The following CRAMP1 variants were observed in gnomAD, a reference collection of about 807,000 sequenced individuals.
CRAMP1 encodes the protein cramped chromatin regulator 1.
A neutral mutation model predicts 115.4 loss-of-function variants in CRAMP1; 50 were observed. The ratio of observed to expected loss-of-function variants is 0.43; its 90% CI spans 0.35 to 0.55. The LOEUF (loss-of-function observed/expected upper bound fraction) is 0.55, where lower values mean the gene tolerates loss of function less well. Among genes scored for constraint, CRAMP1 ranks in the 20% least tolerant of loss-of-function variants. The pLI is 0.01. For synonymous variants in CRAMP1, 866 were observed against 745.4 expected (o/e 1.16, Z -2.64); for missense variants, 1,679 against 1,721.7 (o/e 0.98, Z 0.44).
intron 7 of CRAMP1, 29 bp downstream of exon 7, chr16:1,652,610 G>A: frequency 1.3e-6 from 2 of 1,538,424 alleles, no homozygotes; most frequent in Non-Finnish European, 1.8e-6. Flanking sequence ...CCCGGGACCA[G>A]AGGCGGTGCC....
chr16:1,615,318 G>A (rs1324992241), intron 2 of CRAMP1, among the ~76,000 whole-genome samples: 1 of 152,188 alleles, frequency 6.6e-6, no homozygotes, highest in Non-Finnish European at 1.5e-5. Context: ...GTTCGGAAAC[G>A]GGAAGAGAAA....
At chr16:1,652,798 C>T (rs1460754108) in intron 7 of CRAMP1, among the ~76,000 whole-genome samples, 2 of 152,174 alleles carry the variant, frequency 1.3e-5, no homozygotes, top group East Asian at 3.8e-4. Context: ...GCAGAGTGGT[C>T]GGAGGTTGTC....
At chr16:1,620,303 C>G (rs1482322727) in intron 2 of CRAMP1, among the ~76,000 whole-genome samples, 1 of 152,224 alleles carries the variant, frequency 6.6e-6, no homozygotes, top group Non-Finnish European at 1.5e-5. Context: ...CTGTCTTATG[C>G]TGCAGACGTA....
rs1431155509 is a variant in CRAMP1, at chr16:1,667,893, G to C, written c.3103-69G>C. On this transcript the variant is annotated intron_variant, in intron 17 of 20. Transcript: ENST00000397412. ...TGCCTGCAAGCTAGGAGAGTAAGCT[G>C]GTGTTTCTTCCCTTGTCATGGGTTC... is the stretch of plus-strand genomic sequence containing the variant. 5 of 974,622 alleles carry C rather than the reference G, an allele frequency of 5.1e-6. No individual in the cohort carries two copies. The African/African-American group carries it at 8.1e-5, about 16-fold the overall frequency. The allele number at this position is 974,622 out of a possible 1,614,324, so 60.4% of individuals were successfully genotyped here. A position where few individuals can be genotyped will look rare whatever the true frequency, so the allele number is the denominator to read the frequency against.
chr16:1,666,319 C>G lies in CRAMP1; in HGVS notation c.2858-103C>G. On this transcript the variant is annotated intron_variant, in intron 15 of 20. Transcript: ENST00000397412. The surrounding 1 kb of genome is among the most constrained non-coding windows in gnomAD (Gnocchi z 5.0). ...AGAACATCTAAGCCCTTGGCTCTTG[C>G]ATTGACATGAGGTGCGAGGGAGAAG... 8.1e-7 allele frequency: 1 copy of G among 1,240,934 alleles called. No individual in the cohort carries two copies. Among genetic ancestry groups the G allele is most frequent in the Non-Finnish European group, 1.1e-6 (1 of 873,132 alleles). 76.9% of individuals were successfully genotyped at this position (1,240,934 alleles called of 1,614,324 possible). A position where few individuals can be genotyped will look rare whatever the true frequency, so the allele number is the denominator to read the frequency against.
chr16:1,664,279 A>G (rs1240921944), intron 13 of CRAMP1, among the ~76,000 whole-genome samples: 4 of 152,156 alleles, frequency 2.6e-5, no homozygotes, highest in African/African-American at 9.7e-5. Flanking sequence ...ATTCAGCCTA[A>G]TTGTTCACAC....
rs74594000 is a variant in CRAMP1, at chr16:1,644,948, C to A, written c.827+3761C>A. On this transcript the variant is annotated intron_variant, in intron 6 of 20. Transcript: ENST00000397412. ...AACTCCTGGGCTCAAGTGATCCTCC[C>A]GTCTTGGCCTCCCAAAGCACTGATA... 5.9e-5 allele frequency among the ~76,000 whole-genome samples: 9 copies of A among 152,032 alleles called. No individual in the cohort carries two copies. In the East Asian group the frequency reaches 1.4e-3, roughly 23 times the overall value.
At chr16:1,636,695 G>T (rs567636140) in intron 4 of CRAMP1, among the ~76,000 whole-genome samples, 54 of 152,346 alleles carry the variant, frequency 3.5e-4, no homozygotes, top group African/African-American at 1.2e-3. Flanking sequence ...ATTAGGTCTG[G>T]TGTAATACAG....
At chr16:1,616,064 A>G (rs2142165929) in intron 2 of CRAMP1, among the ~76,000 whole-genome samples, 1 of 152,342 alleles carries the variant, frequency 6.6e-6, no homozygotes, top group South Asian at 2.1e-4. Flanking sequence ...GGCCTTACTC[A>G]TTGGTAAAGA....
rs2036863288 is a variant in CRAMP1 at position 1,665,107 on chromosome 16, C to T, written c.2721C>T (p.Ser907=). 23 of 1,613,014 alleles carry T rather than the reference C, an allele frequency of 1.4e-5. No individual in the cohort carries two copies. The highest frequency in any genetic ancestry group is 1.8e-5 in the Non-Finnish European group (21 of 1,179,110). Residue 907 remains serine (S), a synonymous_variant, in exon 14 of 21, where the codon TCC becomes TCT. Transcript: ENST00000397412. ...AAAACCAGTCCCACAACGTTTGTTC[C>T]TTCTCCATCCTGTCTAACTCTTCCG... The part of the protein sequence containing the change: ...PSENQSHNVC[S]FSILSNSSVT...
chr16:1,660,280 G>C (rs2036817550), intron 11 of CRAMP1, among the ~76,000 whole-genome samples: 1 of 152,252 alleles, frequency 6.6e-6, no homozygotes, highest in Admixed American at 6.5e-5. Context: ...TGGGGTCCCA[G>C]GGCGTAGAAG....
At chr16:1,648,208 C>T (rs2036692878) in intron 6 of CRAMP1, among the ~76,000 whole-genome samples, 1 of 152,062 alleles carries the variant, frequency 6.6e-6, no homozygotes, top group African/African-American at 2.4e-5. Flanking sequence ...GCTCCGCCAG[C>T]TGTTTAAATC....
intron 4 of CRAMP1, among the ~76,000 whole-genome samples, chr16:1,635,150 G>A (rs1431700325): frequency 5.3e-5 from 8 of 152,066 alleles, no homozygotes; most frequent in South Asian, 2.1e-4. Context: ...CACCTGCCTC[G>A]GCCTCCCAAA....
At chr16:1,664,728 G>A (rs767861642) in intron 13 of CRAMP1, among the ~76,000 whole-genome samples, 5 of 149,220 alleles carry the variant, frequency 3.4e-5, no homozygotes, top group Non-Finnish European at 5.9e-5. Flanking sequence ...TCAGTGAGCC[G>A]AAATTGCACC....
In CRAMP1 at chr16:1,641,881, G is replaced by A. The variant is rs566286303; in HGVS notation, c.827+694G>A. ...TGGGGGTCTCCACTCCGCAGCCTGG[G>A]GGGTCCCCACTCTGGAGCCTGGGGG... On this transcript the variant is annotated intron_variant, in intron 6 of 20. Transcript: ENST00000397412. Among the ~76,000 whole-genome samples, 7 of 151,588 alleles carry A rather than the reference G, an allele frequency of 4.6e-5. No individual in the cohort carries two copies. In the South Asian group the frequency reaches 1.5e-3, roughly 32 times the overall value.
chr16:1,647,615 G>A (rs1464172239), intron 6 of CRAMP1, among the ~76,000 whole-genome samples: 2 of 152,020 alleles, frequency 1.3e-5, no homozygotes, highest in African/African-American at 4.8e-5. Context: ...GTTGGTGTAT[G>A]CCTGTAGTCC....
intron 2 of CRAMP1, among the ~76,000 whole-genome samples, chr16:1,617,875 C>T: frequency 6.6e-6 from 1 of 152,172 alleles, no homozygotes; most frequent in Non-Finnish European, 1.5e-5. Context: ...GCCTGTTTGC[C>T]AGGCATCTTG....
intron 3 of CRAMP1, among the ~76,000 whole-genome samples, chr16:1,627,002 C>T (rs2036513485): frequency 6.6e-6 from 1 of 152,206 alleles, no homozygotes; most frequent in African/African-American, 2.4e-5. Flanking sequence ...CTTGGCCATT[C>T]CTGTGTGGTC....
At position 1,636,476 on chromosome 16, in the gene CRAMP1, C is replaced by T. The variant is rs758661839; in HGVS notation, c.695-1348C>T. 7.9e-5 allele frequency among the ~76,000 whole-genome samples: 12 copies of T among 152,184 alleles called. 1 individual carries two copies. The highest frequency in any genetic ancestry group is 5.8e-4 in the East Asian group (3 of 5,200). On this transcript the variant is annotated intron_variant, in intron 4 of 20. Coordinates refer to ENST00000397412, the MANE Select transcript of CRAMP1 (RefSeq NM_020825.4). ...TGAGAGCAGTTGGCCTGTGCTTAGC[C>T]GTGTCCGAGACCCATGGTCCAGAAT...
Sources: allele counts gnomAD v4.1 joint callset (sites outside exome capture counted in the v4.1 genomes callset), GRCh38; gene constraint gnomAD v4.1.1; non-coding constraint Gnocchi (gnomAD v3.1); transcripts MANE v1.5; gene names NCBI Gene and HGNC (gene_info 2026-07-23, HGNC 2026-07-21).